ARHGAP21: variants seen among roughly 807,000 people sequenced by gnomAD.
The protein encoded by ARHGAP21 is rho GTPase-activating protein 21.
Under a neutral mutation model 164.6 loss-of-function variants are expected in ARHGAP21, and 38 were observed. That is an observed-to-expected ratio of 0.23 (90% CI 0.18 to 0.30). The LOEUF is 0.30. ARHGAP21 is among the 10% of genes least tolerant of loss of function. ARHGAP21 has a pLI of 1.00. For synonymous variants in ARHGAP21, 766 were observed against 857.9 expected (o/e 0.89, Z 1.87); for missense variants, 1,822 against 2,370.7 (o/e 0.77, Z 4.81).
chr10:24,668,828 T>A (rs962959241), intron 3 of ARHGAP21, among the ~76,000 whole-genome samples: 2 of 152,178 alleles, frequency 1.3e-5, no homozygotes, highest in African/African-American at 4.8e-5. Flanking sequence ...TAATAATACA[T>A]GTTTATATAA....
chr10:24,620,556 C>G lies in ARHGAP21; in HGVS notation c.1339G>C (p.Val447Leu). ...GRRRSTSHDR[V>L]PQSVQIRQRS... The stretch of plus-strand genomic sequence containing the variant: ...TGCCGTATCTGGACAGACTGGGGCA[C>G]TCGATCATGAGAGGTGCTTCGACGT... The change falls in exon 9 of 26, where the codon GTG becomes CTG. Residue 447 changes from valine to leucine, a missense_variant. Physicochemically the swap from Val to Leu is conservative, Grantham distance 32 (BLOSUM62 1). This residue lies in a region of ARHGAP21 where 1,090 missense variants were observed against 1,378.9 expected (regional missense o/e 0.79). Transcript: ENST00000396432. The G allele has an allele frequency of 6.2e-7, 1 of 1,614,072 alleles. No individual in the cohort carries two copies. The highest frequency in any genetic ancestry group is 8.5e-7 in the Non-Finnish European group (1 of 1,180,002).
intron 2 of ARHGAP21, among the ~76,000 whole-genome samples, chr10:24,692,650 G>A (rs1194438707): frequency 6.6e-6 from 1 of 152,068 alleles, no homozygotes; most frequent in Non-Finnish European, 1.5e-5. Flanking sequence ...TGGCCAACAT[G>A]GCGGAACCCC....
chr10:24,591,696 A>C lies in ARHGAP21; in HGVS notation c.4003-13T>G, dbSNP rs1008124563. Reference sequence around the variant, plus strand: ...AAAACCAGTCATGCTAAAATTTAAAAAAGGTGAGAAGAGAAATTAAACAAG... The same window carrying C: ...AAAACCAGTCATGCTAAAATTTAAACAAGGTGAGAAGAGAAATTAAACAAG... On this transcript the variant is annotated splice_polypyrimidine_tract_variant and intron_variant, in intron 22 of 25. Transcript: ENST00000396432. 5.0e-6 allele frequency: 8 copies of C among 1,613,784 alleles called. No homozygotes were observed. The Admixed American group carries it at 1.2e-4, about 24-fold the overall frequency.
chr10:24,635,115 A>G lies in ARHGAP21; in HGVS notation c.269-12T>C, dbSNP rs1273492158. On this transcript the variant is annotated splice_polypyrimidine_tract_variant and intron_variant, in intron 4 of 25. Transcript: ENST00000396432. The stretch of plus-strand genomic sequence containing the variant: ...GTTTCTTTGTTTTCCTGTTACAGAG[A>G]AGCCCAAAGCATGATTTTACTTCAC... 1 of 1,545,202 alleles carries G rather than the reference A, an allele frequency of 6.5e-7. No homozygotes were observed. The highest frequency in any genetic ancestry group is 2.0e-5 in the Admixed American group (1 of 50,420).
intron 4 of ARHGAP21, among the ~76,000 whole-genome samples, chr10:24,662,550 G>A (rs1406841946): frequency 6.6e-6 from 1 of 152,240 alleles, no homozygotes; most frequent in African/African-American, 2.4e-5. Flanking sequence ...TCAGTCATGC[G>A]CTAATTTCCA....
intron 4 of ARHGAP21, among the ~76,000 whole-genome samples, chr10:24,643,082 C>A (rs113735949): frequency 1.3e-5 from 2 of 152,126 alleles, no homozygotes; most frequent in Non-Finnish European, 2.9e-5. Flanking sequence ...CACTAGGTGT[C>A]GGACATGAAT....
intron 25 of ARHGAP21, among the ~76,000 whole-genome samples, chr10:24,589,048 C>G (rs2076222690): frequency 6.6e-6 from 1 of 152,036 alleles, no homozygotes; most frequent in African/African-American, 2.4e-5. Flanking sequence ...TTGTATTATG[C>G]TAAAACTGCA....
intron 2 of ARHGAP21, among the ~76,000 whole-genome samples, chr10:24,690,391 C>G (rs553241401): frequency 1.3e-4 from 20 of 152,316 alleles, no homozygotes; most frequent in African/African-American, 4.8e-4. Flanking sequence ...TTCCAGCCAA[C>G]ACTGAGTATT....
intron 2 of ARHGAP21, chr10:24,706,387 A>G (rs1419029227): frequency 6.6e-6 from 1 of 152,314 alleles, no homozygotes; most frequent in Non-Finnish European, 1.5e-5. Flanking sequence ...AAAAAATTCT[A>G]AAAGATTACT....
intron 9 of ARHGAP21, among the ~76,000 whole-genome samples, chr10:24,610,373 A>AC (rs1491407050): frequency 1.8e-5 from 1 of 55,176 alleles, no homozygotes; most frequent in Non-Finnish European, 4.3e-5. Flanking sequence ...ACTCTGTCAC[A>AC]AAAAAAAAAA....
chr10:24,606,942 C>T (rs1215802711), intron 11 of ARHGAP21, among the ~76,000 whole-genome samples: 1 of 152,112 alleles, frequency 6.6e-6, no homozygotes, highest in African/African-American at 2.4e-5. Context: ...GAACTCTGTA[C>T]AATATAGTCA....
chr10:24,677,575 A>C (rs768132552), intron 2 of ARHGAP21, among the ~76,000 whole-genome samples: 1 of 152,186 alleles, frequency 6.6e-6, no homozygotes, highest in Non-Finnish European at 1.5e-5. Context: ...TTTATCCCCC[A>C]CTTCTAGGAT....
chr10:24,706,518 A>G (rs995849779), intron 2 of ARHGAP21: 1 of 152,624 alleles, frequency 6.6e-6, no homozygotes, highest in African/African-American at 2.4e-5. Flanking sequence ...AAACCTGACC[A>G]CTCCATGCAC....
intron 24 of ARHGAP21, chr10:24,590,804 T>TTAAACAGAACTCCTGGCTCAAGAATA: frequency 1.0e-6 from 1 of 985,376 alleles, no homozygotes; most frequent in Non-Finnish European, 1.2e-6. Context: ...CTTGCTGCTT[T>TTAAACAGAACTCCTGGCTCAAGAATA]TAAACAGAAC....
chr10:24,686,516 T>C (rs796436083), intron 2 of ARHGAP21, among the ~76,000 whole-genome samples: 44 of 152,290 alleles, frequency 2.9e-4, no homozygotes, highest in African/African-American at 9.9e-4. Context: ...GAATAGTAAG[T>C]AAATTATGAT....
chr10:24,705,542 A>C (rs1844144340), intron 2 of ARHGAP21, among the ~76,000 whole-genome samples: 2 of 152,238 alleles, frequency 1.3e-5, no homozygotes. Context: ...ACCACTGGGA[A>C]CTAATTCCAT....
At chr10:24,591,594 T>G (rs1344956806) in intron 23 of ARHGAP21, 48 bp downstream of exon 23, 2 of 1,599,534 alleles carry the variant, frequency 1.3e-6, no homozygotes, top group Admixed American at 1.7e-5. Context: ...CAGGATCTTG[T>G]GTCCCAAATG....
At position 24,591,316 on chromosome 10, in the gene ARHGAP21, C is replaced by A. The variant is rs891720820; in HGVS notation, c.4059G>T (p.Glu1353Asp). The change falls in exon 24 of 26, where the codon GAG becomes GAT. Residue 1353 changes from glutamate (E) to aspartate (D), a missense_variant. Physicochemically the swap from Glu to Asp is conservative, Grantham distance 45. Coordinates refer to ENST00000396432, the MANE Select transcript of ARHGAP21 (RefSeq NM_020824.4). ...GAEEPLTTVQ[E>D]ESTVDSQPVP... The stretch of plus-strand genomic sequence containing the variant: ...CTGGCTGGGAGTCTACTGTGCTTTC[C>A]TCCTGCACTGTTGTCTATGGTTAAT... 4.3e-6 allele frequency: 7 copies of A among 1,612,408 alleles called. No individual in the cohort carries two copies. The highest frequency in any genetic ancestry group is 3.6e-4 in the Middle Eastern group (2 of 5,602).
chr10:24,689,309 G>A (rs1460993036), intron 2 of ARHGAP21, among the ~76,000 whole-genome samples: 1 of 152,048 alleles, frequency 6.6e-6, no homozygotes, highest in Admixed American at 6.6e-5. Flanking sequence ...AAAACATAAT[G>A]TATGTTCACT....
Sources: allele counts gnomAD v4.1 joint callset (sites outside exome capture counted in the v4.1 genomes callset), GRCh38; gene constraint gnomAD v4.1.1; regional missense constraint gnomAD v4.1.1; transcripts MANE v1.5; gene names NCBI Gene and HGNC (gene_info 2026-07-23, HGNC 2026-07-21).